The following SNTG2 variants were observed in gnomAD, a reference collection of about 807,000 sequenced individuals.
SNTG2 encodes gamma-2-syntrophin.
Under a neutral mutation model 70.9 loss-of-function variants are expected in SNTG2, and 74 were observed. That is an observed-to-expected ratio of 1.04 (90% CI 0.86 to 1.27). The LOEUF is 1.27. Among genes scored for constraint, SNTG2 ranks in the 50% most tolerant of loss-of-function variants. The pLI, the probability that SNTG2 is intolerant of heterozygous loss-of-function variation, is 0.00. For missense variants in SNTG2, 717 were observed against 690.7 expected, an observed-to-expected ratio of 1.04 and a Z score of -0.43; for synonymous variants, 278 against 273.8, an observed-to-expected ratio of 1.02 and a Z score of -0.15.
chr2:1,328,524 T>A (rs142750008), intron 16 of SNTG2, among the ~76,000 whole-genome samples: 130 of 152,234 alleles, frequency 8.5e-4, no homozygotes, highest in African/African-American at 3.0e-3. Context: ...GTTAGAAGAT[T>A]TTTTTAGGTC....
At chr2:1,238,085 T>C (rs1169159548) in intron 10 of SNTG2, 68 bp downstream of exon 10, 22 of 1,523,730 alleles carry the variant, frequency 1.4e-5, no homozygotes, top group Non-Finnish European at 1.4e-5. Flanking sequence ...GGAGACATCA[T>C]GTTTCTGATG....
chr2:1,196,160 A>T (rs577049164), intron 8 of SNTG2, among the ~76,000 whole-genome samples: 3 of 152,292 alleles, frequency 2.0e-5, no homozygotes, highest in African/African-American at 7.2e-5. Context: ...AATTTACCAA[A>T]GACATAGATA....
At chr2:1,098,466 AT>A (rs1258196224) in intron 4 of SNTG2, 56 bp downstream of exon 4, 4 of 1,528,210 alleles carry the variant, frequency 2.6e-6, no homozygotes, top group African/African-American at 1.4e-5. Context: ...GAGATAACAA[AT>A]TACTGAAAAT....
At chr2:1,285,962 C>T (rs1679748102) in intron 14 of SNTG2, among the ~76,000 whole-genome samples, 1 of 152,206 alleles carries the variant, frequency 6.6e-6, no homozygotes, top group African/African-American at 2.4e-5. Flanking sequence ...TTCCTTACCT[C>T]TGTTGTGGAG....
chr2:1,271,341 T>C (rs1328591458), intron 14 of SNTG2, among the ~76,000 whole-genome samples: 5 of 152,182 alleles, frequency 3.3e-5, no homozygotes, highest in Non-Finnish European at 1.5e-5. Context: ...ATGCATGTTG[T>C]TCTGCAATTT....
chr2:1,072,780 A>G (rs1005342859), intron 1 of SNTG2, among the ~76,000 whole-genome samples: 1 of 152,196 alleles, frequency 6.6e-6, no homozygotes, highest in Non-Finnish European at 1.5e-5. Flanking sequence ...AGGATTCACC[A>G]TTCTAGATGC....
intron 14 of SNTG2, among the ~76,000 whole-genome samples, chr2:1,305,814 G>A (rs1307574826): frequency 6.6e-6 from 1 of 152,068 alleles, no homozygotes; most frequent in African/African-American, 2.4e-5. Flanking sequence ...ATGCAAATGC[G>A]TTGTGTGCTT....
At chr2:1,307,279 A>T (rs774160376) in intron 14 of SNTG2, among the ~76,000 whole-genome samples, 10 of 123,774 alleles carry the variant, frequency 8.1e-5, no homozygotes, top group Non-Finnish European at 1.5e-4. Flanking sequence ...GTGGTATGTG[A>T]ACCGTGCACT....
At chr2:1,255,974 G>A (rs1307722828) in intron 12 of SNTG2, among the ~76,000 whole-genome samples, 3 of 142,554 alleles carry the variant, frequency 2.1e-5, no homozygotes, top group Non-Finnish European at 4.5e-5. Flanking sequence ...ATACACATAC[G>A]TATGTATAGC....
intron 13 of SNTG2, among the ~76,000 whole-genome samples, chr2:1,262,650 T>TC (rs1482823940): frequency 6.4e-4 from 72 of 112,288 alleles, no homozygotes; most frequent in African/African-American, 3.2e-3. Flanking sequence ...AGTCCAGACG[T>TC]AGTAACCGGA....
intron 1 of SNTG2, among the ~76,000 whole-genome samples, chr2:1,006,813 G>A (rs1432974265): frequency 6.6e-6 from 1 of 152,068 alleles, no homozygotes; most frequent in African/African-American, 2.4e-5. Context: ...ATCACCTGAG[G>A]TCAGAAGATC....
chr2:1,087,307 A>G (rs943294071), intron 2 of SNTG2, among the ~76,000 whole-genome samples: 3 of 152,202 alleles, frequency 2.0e-5, no homozygotes, highest in Non-Finnish European at 4.4e-5. Flanking sequence ...TCTTCCCAGA[A>G]GAGTTCGTGT....
intron 1 of SNTG2, among the ~76,000 whole-genome samples, chr2:1,008,103 G>A (rs940877121): frequency 2.0e-5 from 3 of 152,108 alleles, no homozygotes; most frequent in African/African-American, 4.8e-5. Flanking sequence ...ACTGATCTTG[G>A]CATTTATTTA....
chr2:1,187,204 G>C (rs1057028635), intron 8 of SNTG2, among the ~76,000 whole-genome samples: 1 of 152,236 alleles, frequency 6.6e-6, no homozygotes, highest in Admixed American at 6.5e-5. Context: ...TGTATCCAAG[G>C]TAGGATAATT....
At chr2:1,229,326 C>T (rs1676025970) in intron 9 of SNTG2, among the ~76,000 whole-genome samples, 1 of 151,832 alleles carries the variant, frequency 6.6e-6, no homozygotes, top group Non-Finnish European at 1.5e-5. Context: ...AGAGTATTGA[C>T]ACAAAAGTTC....
intron 16 of SNTG2, among the ~76,000 whole-genome samples, chr2:1,358,360 T>C (rs539611537): frequency 7.3e-6 from 1 of 137,870 alleles, no homozygotes; most frequent in Admixed American, 7.9e-5. Context: ...TCTCTTTCAT[T>C]TAGTTCTGCT....
At position 1,291,771 on chromosome 2, in the gene SNTG2, G is replaced by A. The variant is rs143825747; in HGVS notation, c.1285-16723G>A. ...GCTTTGCAGTAAGTTTTGAAATCAG[G>A]GATTGTGAAATCTCCAACTTGTTTT... On this transcript the variant is annotated intron_variant, in intron 14 of 16. Transcript: ENST00000308624. Among the ~76,000 whole-genome samples the A allele has an allele frequency of 6.6e-5, 10 of 152,204 alleles. No individual in the cohort carries two copies. In the East Asian group the frequency reaches 1.5e-3, roughly 24 times the overall value.
intron 8 of SNTG2, among the ~76,000 whole-genome samples, chr2:1,194,463 A>G (rs543585846): frequency 2.0e-5 from 3 of 152,252 alleles, no homozygotes; most frequent in Admixed American, 6.5e-5. Flanking sequence ...GCACCTAAAG[A>G]TTTCAGATTT....
rs990574412 is a variant in SNTG2, at chr2:1,222,545, G to A, written c.719+13315G>A. On this transcript the variant is annotated intron_variant, in intron 9 of 16. Coordinates refer to ENST00000308624, the MANE Select transcript of SNTG2 (RefSeq NM_018968.4). Reference sequence around the variant, plus strand: ...TGCCTGCTGCTGGAGGTGCTGGATCGCTGTAGAGGAAAGCGGTGCAGTGAT... The same window carrying A: ...TGCCTGCTGCTGGAGGTGCTGGATCACTGTAGAGGAAAGCGGTGCAGTGAT... Among the ~76,000 whole-genome samples the A allele has an allele frequency of 8.3e-4, 89 of 107,482 alleles. 1 individual carries two copies. The highest frequency in any genetic ancestry group is 1.2e-3 in the African/African-American group (30 of 25,768). The allele number at this position is 107,482 out of a possible 152,430, so 70.5% of individuals were successfully genotyped here.
Sources: allele counts gnomAD v4.1 joint callset (sites outside exome capture counted in the v4.1 genomes callset), GRCh38; gene constraint gnomAD v4.1.1; transcripts MANE v1.5; gene names NCBI Gene and HGNC (gene_info 2026-07-23, HGNC 2026-07-21).